NRXN3: variants seen among roughly 807,000 people sequenced by gnomAD.
NRXN3 encodes the protein neurexin 3, also known as neurexin III.
Under a neutral mutation model 137.6 loss-of-function variants are expected in NRXN3, and 32 were observed. That is an observed-to-expected ratio of 0.23 (90% CI 0.18 to 0.31). NRXN3 has a LOEUF of 0.31. NRXN3 is among the 10% of genes least tolerant of loss of function. The pLI is 1.00. For missense variants in NRXN3, 1,574 were observed against 2,062.5 expected, an observed-to-expected ratio of 0.76 and a Z score of 4.59; for synonymous variants, 798 against 784.5, an observed-to-expected ratio of 1.02 and a Z score of -0.29.
chr14:78,386,032 T>A (rs1436210146), intron 4 of NRXN3, among the ~76,000 whole-genome samples: 2 of 121,980 alleles, frequency 1.6e-5, no homozygotes, highest in South Asian at 3.1e-4. Context: ...GTATTAGATT[T>A]TTTTTTTTTA....
intron 18 of NRXN3, among the ~76,000 whole-genome samples, chr14:79,693,033 T>C (rs1334772290): frequency 6.6e-6 from 1 of 152,036 alleles, no homozygotes; most frequent in Non-Finnish European, 1.5e-5. Context: ...CAGTCTCTGA[T>C]TTGCTGGAGA....
At chr14:79,378,212 C>T (rs981784625) in intron 15 of NRXN3, among the ~76,000 whole-genome samples, 5 of 152,108 alleles carry the variant, frequency 3.3e-5, no homozygotes, top group Non-Finnish European at 7.3e-5. Context: ...TTGGCTCATC[C>T]CAGAGAAGTG....
intron 15 of NRXN3, among the ~76,000 whole-genome samples, chr14:79,346,251 C>G (rs1034874865): frequency 6.6e-6 from 1 of 152,254 alleles, no homozygotes; most frequent in South Asian, 2.1e-4. Context: ...GAAACCCCAT[C>G]TCTGCTAAAA....
intron 4 of NRXN3, among the ~76,000 whole-genome samples, chr14:78,511,961 A>G (rs1599691264): frequency 6.6e-6 from 1 of 152,216 alleles, no homozygotes; most frequent in South Asian, 2.1e-4. Flanking sequence ...ATTAACTGCA[A>G]AGGGATAATT....
chr14:79,017,683 A>G (rs1367506612), intron 15 of NRXN3, among the ~76,000 whole-genome samples: 1 of 152,098 alleles, frequency 6.6e-6, no homozygotes. Context: ...AGGGAGATAT[A>G]GTTTTCATGG....
chr14:78,984,696 A>G (rs1211385328), intron 14 of NRXN3, among the ~76,000 whole-genome samples: 2 of 152,216 alleles, frequency 1.3e-5, no homozygotes, highest in African/African-American at 4.8e-5. Flanking sequence ...GCCCCCAGTC[A>G]GTAGGTCTGG....
In NRXN3 at chr14:78,551,202, C is replaced by T. The variant is rs192606825; in HGVS notation, c.758-93918C>T. On this transcript the variant is annotated intron_variant, in intron 4 of 20. Coordinates refer to ENST00000335750, the MANE Select transcript of NRXN3 (RefSeq NM_001330195.2). ...CTCCATGTAATCAGAGAAGGGTCCA[C>T]TTAAGGCTCTATTGGCATTTGCTGA... is the stretch of plus-strand genomic sequence containing the variant. Among the ~76,000 whole-genome samples the T allele has an allele frequency of 1.4e-4, 22 of 152,328 alleles. No individual in the cohort carries two copies. The East Asian group carries it at 2.9e-3, about 20-fold the overall frequency.
chr14:78,563,834 G>T (rs779887041), intron 4 of NRXN3, among the ~76,000 whole-genome samples: 5 of 152,206 alleles, frequency 3.3e-5, no homozygotes, highest in Non-Finnish European at 7.3e-5. Flanking sequence ...GAGCAGGGAT[G>T]ACTGGAACCC....
chr14:78,953,080 G>A (rs1244352625), intron 10 of NRXN3, among the ~76,000 whole-genome samples: 16 of 152,174 alleles, frequency 1.1e-4, no homozygotes, highest in Admixed American at 9.8e-4. Flanking sequence ...AGAAATTCAT[G>A]TAATATGAAC....
chr14:79,087,237 C>G (rs920074299), intron 15 of NRXN3, among the ~76,000 whole-genome samples: 1 of 152,096 alleles, frequency 6.6e-6, no homozygotes, highest in Non-Finnish European at 1.5e-5. Context: ...AAACTGCCTG[C>G]CTTTTGCAAG....
At chr14:78,347,918 T>C (rs138626159) in intron 4 of NRXN3, among the ~76,000 whole-genome samples, 294 of 152,312 alleles carry the variant, frequency 1.9e-3, no homozygotes, top group African/African-American at 6.8e-3. Flanking sequence ...GTGGAGTCGT[T>C]GCAGAAGGGT....
At chr14:79,163,852 C>G (rs369531311) in intron 15 of NRXN3, among the ~76,000 whole-genome samples, 1 of 151,820 alleles carries the variant, frequency 6.6e-6, no homozygotes, top group Non-Finnish European at 1.5e-5. Flanking sequence ...ATTTATAGTA[C>G]TTTTTTCTAA....
intron 2 of NRXN3, among the ~76,000 whole-genome samples, chr14:78,257,426 T>A (rs1356651922): frequency 1.3e-5 from 2 of 152,236 alleles, no homozygotes; most frequent in Admixed American, 6.5e-5. Context: ...GTTGCTCTAA[T>A]AGCAGGTAGA....
intron 6 of NRXN3, among the ~76,000 whole-genome samples, chr14:78,665,845 T>C (rs971620155): frequency 1.3e-5 from 2 of 152,146 alleles, no homozygotes; most frequent in Admixed American, 6.5e-5. Flanking sequence ...ATATGTTGCT[T>C]TTCTGAAAAG....
intron 10 of NRXN3, among the ~76,000 whole-genome samples, chr14:78,903,598 G>C (rs901536440): frequency 6.6e-6 from 1 of 151,932 alleles, no homozygotes; most frequent in African/African-American, 2.4e-5. Flanking sequence ...TTTGTAACTC[G>C]CTGAAAAAGT....
chr14:79,144,132 T>C (rs2059076233), intron 15 of NRXN3, among the ~76,000 whole-genome samples: 2 of 152,152 alleles, frequency 1.3e-5, no homozygotes, highest in Admixed American at 1.3e-4. Context: ...CTTGCAGAAA[T>C]TGCAAACTAG....
chr14:79,338,205 G>A (rs1425530796), intron 15 of NRXN3, among the ~76,000 whole-genome samples: 1 of 128,852 alleles, frequency 7.8e-6, no homozygotes, highest in Non-Finnish European at 1.6e-5. Flanking sequence ...GGGTGTGTGT[G>A]TGTGTGTATG....
At chr14:79,135,561 T>C (rs1180018440) in intron 15 of NRXN3, among the ~76,000 whole-genome samples, 1 of 152,176 alleles carries the variant, frequency 6.6e-6, no homozygotes, top group African/African-American at 2.4e-5. Flanking sequence ...AGGAGTAACA[T>C]AGACCACTAA....
chr14:78,489,956 C>G (rs2095633907), intron 4 of NRXN3, among the ~76,000 whole-genome samples: 1 of 151,808 alleles, frequency 6.6e-6, no homozygotes, highest in Non-Finnish European at 1.5e-5. Flanking sequence ...ACGCTATCAC[C>G]CAGGCTGGAG....
Sources: gnomAD v4.1 joint callset for allele counts (sites outside exome capture counted in the v4.1 genomes callset) on GRCh38, gnomAD v4.1.1 for gene constraint, MANE v1.5 for transcripts, NCBI Gene and HGNC (gene_info 2026-07-23, HGNC 2026-07-21) for gene names.